Variants in HSP90AA1 observed in about 807,000 individuals in gnomAD.
HSP90AA1 encodes heat shock protein HSP 90-alpha.
A neutral mutation model predicts 73.3 loss-of-function variants in HSP90AA1; 18 were observed. The observed-to-expected ratio is 0.25, with a 90% CI of 0.17 to 0.36. HSP90AA1 has a LOEUF of 0.36. HSP90AA1 is among the 10% of genes least tolerant of loss of function. The pLI is 1.00. For missense variants in HSP90AA1, 704 were observed against 874.2 expected, an observed-to-expected ratio of 0.81 and a Z score of 2.45; for synonymous variants, 477 against 296.9, an observed-to-expected ratio of 1.61 and a Z score of -6.24.
chr14:102,096,751 C>A (rs2049430553), intron 2 of HSP90AA1, among the ~76,000 whole-genome samples: 2 of 152,200 alleles, frequency 1.3e-5, no homozygotes, highest in South Asian at 2.1e-4. Flanking sequence ...CCGTGATAAA[C>A]CTTTGGCGCC....
chr14:102,121,169 T>C (rs1214167034), intron 1 of HSP90AA1, among the ~76,000 whole-genome samples: 1 of 152,094 alleles, frequency 6.6e-6, no homozygotes, highest in Non-Finnish European at 1.5e-5. Context: ...TCCAAAGTGC[T>C]AGGATACAGG....
Position 102,082,409 on chromosome 14 carries a change from G to A in HSP90AA1, c.1791C>T (p.Cys597=), listed in dbSNP as rs1159455810. 1 of 1,613,364 alleles carries A rather than the reference G, an allele frequency of 6.2e-7. No homozygotes were observed. The highest frequency in any genetic ancestry group is 8.5e-7 in the Non-Finnish European group (1 of 1,179,928). ...AGCCATATGTGCTTGTGACAATACA[G>A]CATGGAGATGTCACCAATCGGTTTG... ...VVSNRLVTSP[C]CIVTSTYGWT... Residue 597 remains cysteine (C), a synonymous_variant, in exon 10 of 11, where the codon TGC becomes TGT. Transcript: ENST00000216281.
At chr14:102,085,222 A>C in intron 4 of HSP90AA1, 76 bp downstream of exon 4, 3 of 1,500,470 alleles carry the variant, frequency 2.0e-6, no homozygotes, top group Non-Finnish European at 2.8e-6. Flanking sequence ...GAACAGATCT[A>C]GGGACTAAGG....
rs2049994779 is a variant in HSP90AA1 at position 102,136,397 on chromosome 14, T to C, written c.155+2853A>G. The stretch of plus-strand genomic sequence containing the variant: ...GCCTGACCAACATGGCGAAACCCCG[T>C]CTCTGCTAAAAATACAAAAAAATTG... On this transcript the variant is annotated intron_variant, in intron 1 of 11. Coordinates refer to the HSP90AA1 transcript ENST00000334701. 2.0e-5 allele frequency among the ~76,000 whole-genome samples: 3 copies of C among 150,424 alleles called. No individual in the cohort carries two copies. The South Asian group carries it at 6.3e-4, about 32-fold the overall frequency.
chr14:102,133,703 G>A (rs1261601304), intron 1 of HSP90AA1, among the ~76,000 whole-genome samples: 4 of 151,984 alleles, frequency 2.6e-5, no homozygotes, highest in Admixed American at 6.5e-5. Context: ...GGCTGGTCTC[G>A]AACTCCTGAC....
At chr14:102,103,758 C>T (rs532722111) in intron 1 of HSP90AA1, among the ~76,000 whole-genome samples, 34 of 151,010 alleles carry the variant, frequency 2.3e-4, no homozygotes, top group African/African-American at 6.6e-4. Context: ...GAGCCAAGAT[C>T]GCACCATTGC....
rs756978738 is a variant in HSP90AA1 at position 102,083,707 on chromosome 14, T to C, written c.1339-14A>G. The C allele has an allele frequency of 3.7e-6, 6 of 1,608,448 alleles. No homozygotes were observed. Among genetic ancestry groups the C allele is most frequent in the South Asian group, 1.1e-5 (1 of 90,538 alleles). On this transcript the variant is annotated splice_polypyrimidine_tract_variant and intron_variant, in intron 7 of 10. Transcript: ENST00000216281. The stretch of plus-strand genomic sequence containing the variant: ...GTGTATTCCAAGCTGAAACAAAGTA[T>C]GTTCTTTACAAAGACTTTCTGAATT...
In HSP90AA1 at chr14:102,083,862, G is replaced by T. The variant is rs1379175593; in HGVS notation, c.1269C>A (p.Leu423=). The change falls in exon 7 of 11, where the codon CTC becomes CTA. Residue 423 remains leucine (L), a synonymous_variant. Transcript: ENST00000216281. ...CTTTATCTTCCGCCAGTTCAGTAAA[G>T]AGTTCTAAGCATTTTTTGACCAAAT... ...RKNLVKKCLE[L]FTELAEDKEN... 2 of 1,613,798 alleles carry T rather than the reference G, an allele frequency of 1.2e-6. No individual in the cohort carries two copies. The highest frequency in any genetic ancestry group is 2.7e-5 in the African/African-American group (2 of 74,864).
At chr14:102,099,859 T>G (rs775852439) in intron 2 of HSP90AA1, among the ~76,000 whole-genome samples, 1 of 152,140 alleles carries the variant, frequency 6.6e-6, no homozygotes, top group Non-Finnish European at 1.5e-5. Flanking sequence ...TAGTGGTATC[T>G]CTTCTAAATT....
At chr14:102,081,916 T>TACA (rs1160562925) in intron 10 of HSP90AA1, 95 bp from the exon 11 acceptor site, 3 of 802,566 alleles carry the variant, frequency 3.7e-6, no homozygotes, top group Non-Finnish European at 6.8e-6. Context: ...AAGACAGTAT[T>TACA]ACAGGACATA....
intron 2 of HSP90AA1, among the ~76,000 whole-genome samples, chr14:102,097,887 A>T (rs879632223): frequency 1.3e-5 from 2 of 152,080 alleles, no homozygotes; most frequent in African/African-American, 2.4e-5. Context: ...CCGGTCCTCT[A>T]TAACCTGGTC....
At chr14:102,120,200 C>T (rs1272981178) in intron 1 of HSP90AA1, among the ~76,000 whole-genome samples, 1 of 151,944 alleles carries the variant, frequency 6.6e-6, no homozygotes, top group Non-Finnish European at 1.5e-5. Flanking sequence ...CCCATCTCTG[C>T]AAAAGATAAT....
chr14:102,122,824 T>TG (rs1479507323), intron 1 of HSP90AA1, among the ~76,000 whole-genome samples: 1 of 151,370 alleles, frequency 6.6e-6, no homozygotes, highest in Non-Finnish European at 1.5e-5. Flanking sequence ...CCTGCCACCA[T>TG]GCCCAGCTGA....
rs758432856 is a variant in HSP90AA1, at chr14:102,081,690, T to A, written c.*22A>T. ...GAGGAATTGTAGAGTACTGAACAGGTAAGTCATCCCTCAGCCAGAGATTAG... is the reference window on the plus strand; with the variant it reads ...GAGGAATTGTAGAGTACTGAACAGGAAAGTCATCCCTCAGCCAGAGATTAG... On this transcript the variant is annotated 3_prime_UTR_variant, in exon 11 of 11. Transcript: ENST00000216281. 1.1e-6 allele frequency: 1 copy of A among 949,936 alleles called. No individual in the cohort carries two copies. The highest frequency in any genetic ancestry group is 1.7e-6 in the Non-Finnish European group (1 of 572,932). 58.8% of individuals were successfully genotyped at this position (949,936 alleles called of 1,614,324 possible).
At chr14:102,139,697 C>T (rs2050220649), upstream of HSP90AA1, 14 of 684,590 alleles carry the variant, frequency 2.0e-5, no homozygotes, top group Admixed American at 1.5e-4. Context: ...GGGGGAGGAG[C>T]CTGCGGACGC....
intron 1 of HSP90AA1, 128 bp downstream of exon 1, chr14:102,086,858 G>C (rs2049253322): frequency 2.2e-6 from 1 of 453,060 alleles, no homozygotes; most frequent in South Asian, 9.4e-5. Context: ...AGAAAGCGCG[G>C]CCGCCCGGGA....
At chr14:102,089,938 C>A (rs916440294), upstream of HSP90AA1, among the ~76,000 whole-genome samples, 9 of 152,196 alleles carry the variant, frequency 5.9e-5, no homozygotes, top group African/African-American at 1.9e-4. Flanking sequence ...TGGTCTGTCT[C>A]CAAACTGTAG....
intron 1 of HSP90AA1, among the ~76,000 whole-genome samples, chr14:102,117,566 C>A (rs1448209891): frequency 2.6e-5 from 4 of 152,086 alleles, no homozygotes; most frequent in Non-Finnish European, 5.9e-5. Flanking sequence ...GAACACCCCC[C>A]AGCTGCAGAA....
At chr14:102,086,585 G>A (rs1422147579) in intron 1 of HSP90AA1, among the ~76,000 whole-genome samples, 1 of 151,980 alleles carries the variant, frequency 6.6e-6, no homozygotes, top group Non-Finnish European at 1.5e-5. Context: ...CCGGGAGGCC[G>A]CCGCAGGCCC....
Sources: allele counts gnomAD v4.1 joint callset (sites outside exome capture counted in the v4.1 genomes callset), GRCh38; gene constraint gnomAD v4.1.1; transcripts MANE v1.5; gene names NCBI Gene and HGNC (gene_info 2026-07-23, HGNC 2026-07-21).